Variants in TNKS2 observed in about 807,000 individuals in gnomAD.
TNKS2 encodes tankyrase 2, also known as poly [ADP-ribose] polymerase tankyrase-2.
In TNKS2, 72 loss-of-function variants were observed where a neutral mutation model predicts 137.6. The ratio of observed to expected loss-of-function variants is 0.52; its 90% CI spans 0.43 to 0.64. TNKS2 has a LOEUF of 0.64. Among genes scored for constraint, TNKS2 ranks in the 30% least tolerant of loss-of-function variants. The pLI is 0.00. For synonymous variants in TNKS2, 516 were observed against 512.1 expected (o/e 1.01, Z -0.10); for missense variants, 1,049 against 1,410.2 (o/e 0.74, Z 4.10).
At chr10:91,829,561 T>C (rs1267010558) in intron 9 of TNKS2, among the ~76,000 whole-genome samples, 1 of 152,082 alleles carries the variant, frequency 6.6e-6, no homozygotes, top group Non-Finnish European at 1.5e-5. Flanking sequence ...TAATTTGAGG[T>C]GGATGTGATT....
rs558797252 is a variant in TNKS2 at position 91,835,285 on chromosome 10, CT to C, written c.1447+1272del. Among the ~76,000 whole-genome samples, 621 of 140,322 alleles carry C rather than the reference CT, an allele frequency of 4.4e-3. 5 individuals carry two copies. The highest frequency in any genetic ancestry group is 0.015 in the African/African-American group (573 of 37,658). 92.1% of individuals were successfully genotyped at this position (140,322 alleles called of 152,430 possible). On this transcript the variant is annotated intron_variant, in intron 12 of 26. Transcript: ENST00000371627. ...TTTATTGCCCATTTCTCTTTTTTTT[CT>C]TTTTTTTTTTCTTTTTTTTTCCAAG...
chr10:91,822,250 A>G (rs1265946787), intron 6 of TNKS2, 46 bp from the exon 7 acceptor site: 1 of 1,490,344 alleles, frequency 6.7e-7, no homozygotes, highest in Non-Finnish European at 9.2e-7. Flanking sequence ...CCCTAGGCCT[A>G]AGAAATCTAT....
In TNKS2 at chr10:91,817,054, G is replaced by C. The variant is rs115426473; in HGVS notation, c.425-80G>C. On this transcript the variant is annotated intron_variant, in intron 2 of 26. Transcript: ENST00000371627. ...ACAACTTTGAGACTTTGCTGGACCA[G>C]ACTTCTTGAGAAAATGATTTACTAA... The C allele has an allele frequency of 3.1e-3, 2,967 of 962,202 alleles. 46 individuals carry two copies. The African/African-American group carries it at 0.042, about 14-fold the overall frequency. 59.6% of individuals were successfully genotyped at this position (962,202 alleles called of 1,614,324 possible).
At chr10:91,805,833 A>G (rs1054590355) in intron 1 of TNKS2, among the ~76,000 whole-genome samples, 3 of 152,100 alleles carry the variant, frequency 2.0e-5, no homozygotes, top group Non-Finnish European at 2.9e-5. Flanking sequence ...CTTTTTCTAA[A>G]AGCACTTCCT....
At chr10:91,812,729 T>C (rs1233398323) in intron 1 of TNKS2, 1 of 981,490 alleles carries the variant, frequency 1.0e-6, no homozygotes, top group African/African-American at 1.7e-5. Context: ...TTGTATTCTT[T>C]CTTTGAGGTT....
chr10:91,844,854 GTAT>G (rs1183642881), intron 16 of TNKS2, 62 bp from the exon 17 acceptor site: 4 of 981,792 alleles, frequency 4.1e-6, no homozygotes, highest in Non-Finnish European at 6.2e-6. Flanking sequence ...ACAAGTGGAA[GTAT>G]TATGACATAG....
chr10:91,812,547 A>C (rs1424756985), intron 1 of TNKS2, among the ~76,000 whole-genome samples: 1 of 152,156 alleles, frequency 6.6e-6, no homozygotes, highest in Non-Finnish European at 1.5e-5. Context: ...ACATTCTGTG[A>C]GATAGATGTG....
chr10:91,855,750 G>C, intron 23 of TNKS2, 62 bp downstream of exon 23: 1 of 1,255,722 alleles, frequency 8.0e-7, no homozygotes, highest in Non-Finnish European at 1.1e-6. Flanking sequence ...GAAGCCATAA[G>C]TAACTTTCAT....
At chr10:91,798,921 C>T in intron 1 of TNKS2, 32 bp downstream of exon 1, 1 of 1,340,552 alleles carries the variant, frequency 7.5e-7, no homozygotes. Context: ...TCGCCTCGCT[C>T]CAGACCCCAC....
chr10:91,808,090 C>G (rs947872818), intron 1 of TNKS2, among the ~76,000 whole-genome samples: 1 of 151,606 alleles, frequency 6.6e-6, no homozygotes, highest in African/African-American at 2.4e-5. Flanking sequence ...ACAAAAATCC[C>G]TGTTGTATGG....
chr10:91,859,732 A>T (rs1019370097), intron 25 of TNKS2, 84 bp downstream of exon 25: 1 of 1,196,368 alleles, frequency 8.4e-7, no homozygotes, highest in Non-Finnish European at 1.2e-6. Flanking sequence ...ATTATGTTGG[A>T]CAGTCTTAGG....
At chr10:91,840,330 A>G (rs1373493352) in intron 13 of TNKS2, among the ~76,000 whole-genome samples, 1 of 152,040 alleles carries the variant, frequency 6.6e-6, no homozygotes, top group Non-Finnish European at 1.5e-5. Context: ...AGAGAGCTAG[A>G]CTCTGTCTCA....
intron 5 of TNKS2, 136 bp from the exon 6 acceptor site, chr10:91,819,803 T>G (rs928872637): frequency 1.1e-5 from 8 of 738,450 alleles, no homozygotes; most frequent in Non-Finnish European, 1.7e-5. Flanking sequence ...TATGTTGGAT[T>G]TTGTAAAACC....
At chr10:91,827,349 A>C (rs1845101026) in intron 8 of TNKS2, 146 bp downstream of exon 8, 1 of 654,880 alleles carries the variant, frequency 1.5e-6, no homozygotes, top group Non-Finnish European at 2.3e-6. Flanking sequence ...ATATTTAATA[A>C]TTTGGAAGTT....
intron 2 of TNKS2, among the ~76,000 whole-genome samples, chr10:91,814,661 A>G (rs887062324): frequency 6.6e-6 from 1 of 152,202 alleles, no homozygotes; most frequent in Non-Finnish European, 1.5e-5. Context: ...ACTTAGTTAC[A>G]GATGTACTTA....
At position 91,865,309 on chromosome 10, in the gene TNKS2, A is replaced by G. The variant is rs1233927732; in HGVS notation, c.*2310A>G. 6.6e-6 allele frequency: 1 copy of G among 152,658 alleles called. No individual in the cohort carries two copies. Among genetic ancestry groups the G allele is most frequent in the Non-Finnish European group, 1.5e-5 (1 of 68,036 alleles). 9.5% of individuals were successfully genotyped at this position (152,658 alleles called of 1,614,324 possible). On this transcript the variant is annotated 3_prime_UTR_variant, in exon 27 of 27. Coordinates refer to ENST00000371627, the MANE Select transcript of TNKS2 (RefSeq NM_025235.4). ...GTAGCATGGTAATTACTGGAATAGTATAAATGTGTTGAATGGTCTTTGAGA... is the reference window on the plus strand; with the variant it reads ...GTAGCATGGTAATTACTGGAATAGTGTAAATGTGTTGAATGGTCTTTGAGA...
In TNKS2 at chr10:91,842,103, C is replaced by G. The variant is rs949970459; in HGVS notation, c.1840-69C>G. 17 of 1,080,610 alleles carry G rather than the reference C, an allele frequency of 1.6e-5. No individual in the cohort carries two copies. In the African/African-American group the frequency reaches 2.5e-4, roughly 16 times the overall value. The allele number at this position is 1,080,610 out of a possible 1,614,324, so 66.9% of individuals were successfully genotyped here. ...TTTTCTTTGGTATAGTTAACACTGA[C>G]TATTTTCTCATTGACCAAAGGCACA... On this transcript the variant is annotated intron_variant, in intron 15 of 26. Coordinates refer to ENST00000371627, the MANE Select transcript of TNKS2 (RefSeq NM_025235.4).
chr10:91,844,249 G>T (rs2133658679), intron 16 of TNKS2, among the ~76,000 whole-genome samples: 1 of 152,266 alleles, frequency 6.6e-6, no homozygotes, highest in South Asian at 2.1e-4. Flanking sequence ...TTAGATTAAT[G>T]TAATATTTTA....
In TNKS2 at chr10:91,845,948, A is replaced by G; in HGVS notation, c.2358+8A>G. On this transcript the variant is annotated splice_region_variant and intron_variant, in intron 18 of 26. Transcript: ENST00000371627. ...CCTTTAGATTTAGTTTCAGTAAGTG[A>G]TGGGCTTTTTGAAAAATCTCAGTGC... 1.3e-6 allele frequency: 2 copies of G among 1,510,166 alleles called. No individual in the cohort carries two copies. Among genetic ancestry groups the G allele is most frequent in the Non-Finnish European group, 1.8e-6 (2 of 1,115,862 alleles). The allele number at this position is 1,510,166 out of a possible 1,614,324, so 93.5% of individuals were successfully genotyped here.
Sources: allele counts gnomAD v4.1 joint callset (sites outside exome capture counted in the v4.1 genomes callset), GRCh38; gene constraint gnomAD v4.1.1; transcripts MANE v1.5; gene names NCBI Gene and HGNC (gene_info 2026-07-23, HGNC 2026-07-21).